The following CNOT4 variants were observed in gnomAD, a reference collection of about 807,000 sequenced individuals.
CNOT4 encodes CCR4-associated factor 4.
A neutral mutation model predicts 73.8 loss-of-function variants in CNOT4; 8 were observed. The observed-to-expected ratio is 0.11, with a 90% confidence interval of 0.06 to 0.20. CNOT4 has a LOEUF of 0.20. CNOT4 is among the 10% of genes least tolerant of loss of function. CNOT4 has a pLI of 1.00. For missense variants in CNOT4, 564 were observed against 883.4 expected (o/e 0.64, Z 4.58); for synonymous variants, 293 against 321.1 (o/e 0.91, Z 0.94).
intron 1 of CNOT4, among the ~76,000 whole-genome samples, chr7:135,445,365 GATTA>G (rs1366991202): frequency 6.6e-6 from 1 of 152,176 alleles, no homozygotes; most frequent in East Asian, 1.9e-4. Flanking sequence ...ATTAGACAGT[GATTA>G]ATTTTCGAAA....
At chr7:135,410,757 T>A (rs1031056525) in intron 6 of CNOT4, 109 bp from the exon 7 acceptor site, 164 of 665,256 alleles carry the variant, frequency 2.5e-4, no homozygotes, top group Admixed American at 1.6e-3. Flanking sequence ...ATAAATAATA[T>A]TTTTAAAAAA....
chr7:135,422,460 T>C (rs1392893465), intron 2 of CNOT4, 107 bp from the exon 3 acceptor site: 1 of 630,626 alleles, frequency 1.6e-6, no homozygotes, highest in East Asian at 2.6e-5. Context: ...TGTTACATTC[T>C]CCCTTTATTA....
chr7:135,439,164 C>T (rs944558565), intron 1 of CNOT4, among the ~76,000 whole-genome samples: 28 of 152,118 alleles, frequency 1.8e-4, no homozygotes, highest in African/African-American at 6.5e-4. Context: ...ATATCTTAGG[C>T]TAAAGCCACT....
At chr7:135,492,922 G>A (rs1208874638) in intron 1 of CNOT4, among the ~76,000 whole-genome samples, 1 of 152,148 alleles carries the variant, frequency 6.6e-6, no homozygotes, top group Non-Finnish European at 1.5e-5. Flanking sequence ...AGAATTAAAA[G>A]AGACTTAGTG....
intron 10 of CNOT4, among the ~76,000 whole-genome samples, chr7:135,376,744 A>G (rs1256175750): frequency 2.6e-5 from 4 of 152,230 alleles, no homozygotes; most frequent in Admixed American, 6.5e-5. Context: ...TTTTTCTAAA[A>G]GATGGCTCCT....
chr7:135,377,217 T>C (rs115518781), intron 10 of CNOT4, among the ~76,000 whole-genome samples: 1,697 of 152,332 alleles, frequency 0.011, 36 homozygotes, highest in African/African-American at 0.039. Flanking sequence ...CATTACTAAG[T>C]GGAAGAAGAC....
chr7:135,367,653 C>T (rs909536202), intron 10 of CNOT4, among the ~76,000 whole-genome samples: 6 of 152,196 alleles, frequency 3.9e-5, no homozygotes, highest in Non-Finnish European at 7.4e-5. Context: ...CTGCCAGGAA[C>T]TAGCCCTGTG....
chr7:135,415,841 T>C (rs1020574340), intron 3 of CNOT4, among the ~76,000 whole-genome samples: 3 of 152,140 alleles, frequency 2.0e-5, no homozygotes, highest in African/African-American at 7.2e-5. Flanking sequence ...AGTTTTACCA[T>C]TTCTCATCTG....
chr7:135,413,456 T>C, intron 6 of CNOT4, 32 bp downstream of exon 6: 1 of 1,602,174 alleles, frequency 6.2e-7, no homozygotes, highest in South Asian at 1.1e-5. Flanking sequence ...CTCCCTTTTC[T>C]GCAAAGTTGA....
chr7:135,504,332 G>C (rs1585746785), intron 1 of CNOT4, among the ~76,000 whole-genome samples: 2 of 140,400 alleles, frequency 1.4e-5, no homozygotes, highest in Admixed American at 1.5e-4. Context: ...GTCTCACTCT[G>C]TCACCCAGGC....
At chr7:135,459,476 A>G (rs1343055092) in intron 1 of CNOT4, among the ~76,000 whole-genome samples, 1 of 152,186 alleles carries the variant, frequency 6.6e-6, no homozygotes, top group Non-Finnish European at 1.5e-5. Flanking sequence ...AAATCTTTTG[A>G]CTATTAGGCA....
At chr7:135,406,395 C>G (rs1191433143) in intron 7 of CNOT4, among the ~76,000 whole-genome samples, 4 of 147,086 alleles carry the variant, frequency 2.7e-5, no homozygotes, top group Non-Finnish European at 4.5e-5. Context: ...CACAGTGGCT[C>G]ATACCTATAA....
intron 2 of CNOT4, among the ~76,000 whole-genome samples, chr7:135,429,056 T>C (rs1291992337): frequency 6.6e-6 from 1 of 152,156 alleles, no homozygotes; most frequent in Non-Finnish European, 1.5e-5. Flanking sequence ...ATTGTCTACT[T>C]CATCTATTTC....
At chr7:135,480,995 G>GA (rs200536636) in intron 1 of CNOT4, among the ~76,000 whole-genome samples, 134 of 133,464 alleles carry the variant, frequency 1.0e-3, no homozygotes, top group Middle Eastern at 3.9e-3. Flanking sequence ...TATAAAACTG[G>GA]AAAAAAAAAA....
intron 1 of CNOT4, among the ~76,000 whole-genome samples, chr7:135,487,233 A>T (rs1802781152): frequency 6.9e-6 from 1 of 144,954 alleles, no homozygotes; most frequent in African/African-American, 2.6e-5. Flanking sequence ...CTTTTATATG[A>T]TTTTCTTTTC....
rs560118643 is a variant in CNOT4 at position 135,417,233 on chromosome 7, G to A, written c.373-1971C>T. Among the ~76,000 whole-genome samples the A allele has an allele frequency of 3.9e-5, 6 of 152,232 alleles. No individual in the cohort carries two copies. In the South Asian group the frequency reaches 1.2e-3, roughly 32 times the overall value. ...TAGTTAAAATGCAGATTCAGATCCA[G>A]CAGATCTGAGGCAGGGCTGAAGAGT... On this transcript the variant is annotated intron_variant, in intron 3 of 11. Transcript: ENST00000541284.
At chr7:135,450,760 G>A (rs921957421) in intron 1 of CNOT4, among the ~76,000 whole-genome samples, 6 of 152,164 alleles carry the variant, frequency 3.9e-5, no homozygotes, top group African/African-American at 1.4e-4. Flanking sequence ...TAATTTGTTA[G>A]ATTTAAAAAG....
At chr7:135,381,704 T>C (rs1795854598) in intron 10 of CNOT4, among the ~76,000 whole-genome samples, 1 of 152,228 alleles carries the variant, frequency 6.6e-6, no homozygotes, top group South Asian at 2.1e-4. Context: ...TCTGCTATTT[T>C]ACCATTGAGA....
chr7:135,410,067 T>C (rs778463217), intron 7 of CNOT4, among the ~76,000 whole-genome samples: 2 of 152,128 alleles, frequency 1.3e-5, no homozygotes, highest in Non-Finnish European at 2.9e-5. Flanking sequence ...TTTAAATGAC[T>C]TTAGTGATTC....
Sources: gnomAD v4.1 joint callset for allele counts (sites outside exome capture counted in the v4.1 genomes callset) on GRCh38, gnomAD v4.1.1 for gene constraint, MANE v1.5 for transcripts, NCBI Gene and HGNC (gene_info 2026-07-23, HGNC 2026-07-21) for gene names.